Variants in CARD10 observed in about 807,000 individuals in gnomAD.
The protein encoded by CARD10 is caspase recruitment domain family member 10, also known as caspase recruitment domain-containing protein 10.
A neutral mutation model predicts 114.6 loss-of-function variants in CARD10; 49 were observed. The observed-to-expected ratio is 0.43, with a 90% confidence interval of 0.34 to 0.54. The LOEUF (loss-of-function observed/expected upper bound fraction) is 0.54, where lower values mean the gene tolerates loss of function less well. CARD10 is among the 20% of genes least tolerant of loss of function. The pLI, the probability that CARD10 is intolerant of heterozygous loss-of-function variation, is 0.03. For missense variants in CARD10, 1,206 were observed against 1,397.2 expected, an observed-to-expected ratio of 0.86 and a Z score of 2.18; for synonymous variants, 602 against 593.2, an observed-to-expected ratio of 1.01 and a Z score of -0.21.
chr22:37,505,637 C>CA (rs1053786440), intron 7 of CARD10, among the ~76,000 whole-genome samples: 419 of 109,626 alleles, frequency 3.8e-3, no homozygotes, highest in African/African-American at 6.8e-3. Context: ...GATTCTGTCT[C>CA]AAAAAAAAAA....
In CARD10 at chr22:37,491,329, G is replaced by T. The variant is rs774390573; in HGVS notation, c.2929C>A (p.Gln977Lys). 1.9e-6 allele frequency: 3 copies of T among 1,555,572 alleles called. No homozygotes were observed. The highest frequency in any genetic ancestry group is 2.3e-5 in the South Asian group (2 of 85,266). ...GAGCAGGGCAGCCCCCAGAGCACCT[G>T]CTCTGAGCCACGGCACTGCCGCAGC... is the stretch of plus-strand genomic sequence containing the variant. ...ELLRQCRGSEQVLWGLPCSWV... is the reference protein window; with the variant it reads ...ELLRQCRGSEKVLWGLPCSWV... The change falls in exon 20 of 20, where the codon CAG becomes AAG. Residue 977 changes from glutamine (Q) to lysine (K), a missense_variant. This residue lies in a region of CARD10 where 1,068 missense variants were observed against 1,179.1 expected (regional missense o/e 0.91). Transcript: ENST00000251973.
Position 37,496,791 on chromosome 22 carries a change from C to A in CARD10, c.1947+228G>T. The A allele has an allele frequency of 3.1e-6, 2 of 642,488 alleles. No individual in the cohort carries two copies. Among genetic ancestry groups the A allele is most frequent in the Non-Finnish European group, 5.3e-6 (2 of 375,432 alleles). The allele number at this position is 642,488 out of a possible 1,614,324, so 39.8% of individuals were successfully genotyped here. ...CATCCAGGTCTTTCTCGACTTGAAG[C>A]GCAGGAATGTAACGTGCTGTCAGTT... On this transcript the variant is annotated intron_variant, in intron 12 of 19. Coordinates refer to ENST00000251973, the MANE Select transcript of CARD10 (RefSeq NM_014550.4). This position sits in a 1 kb window ranked among gnomAD's most constrained non-coding sequence, Gnocchi z 4.1.
chr22:37,509,160 T>C, intron 4 of CARD10: 1 of 1,457,326 alleles, frequency 6.9e-7, no homozygotes, highest in Non-Finnish European at 9.1e-7. Context: ...CCCAACCCCA[T>C]GAAACACACT....
intron 14 of CARD10, 57 bp from the exon 15 acceptor site, chr22:37,495,643 T>C: frequency 2.5e-6 from 4 of 1,611,404 alleles, no homozygotes; most frequent in Non-Finnish European, 3.4e-6. Context: ...TCATTTCTCC[T>C]CGAACCCCCC....
chr22:37,518,906 G>C (rs1227463711), intron 1 of CARD10, 60 bp downstream of exon 1: 1 of 1,464,200 alleles, frequency 6.8e-7, no homozygotes, highest in Admixed American at 2.2e-5. Flanking sequence ...ACGGCTGTGG[G>C]CGCTGCGCCC....
rs762501467 is a variant in CARD10 at position 37,508,678 on chromosome 22, G to C, written c.914C>G (p.Ala305Gly). The change falls in exon 5 of 20, where the codon GCG becomes GGG. Residue 305 changes from alanine to glycine, a missense_variant. Transcript: ENST00000251973. ...RELQEGLQQE[A>G]SRPGAPGSER... ...GGAGCCCGGGGCCCCCGGCCGGCTC[G>C]CCTCCTGGGGATCACAGGGCAGGGC... 6.4e-7 allele frequency: 1 copy of C among 1,557,548 alleles called. No homozygotes were observed. Among genetic ancestry groups the C allele is most frequent in the Non-Finnish European group, 8.6e-7 (1 of 1,156,214 alleles).
chr22:37,518,477 T>C (rs1923915819), intron 1 of CARD10, among the ~76,000 whole-genome samples: 1 of 152,240 alleles, frequency 6.6e-6, no homozygotes, highest in Admixed American at 6.5e-5. Context: ...CATTCCATCA[T>C]GCCTTTTTGA....
Position 37,495,558 on chromosome 22 carries a change from T to C in CARD10, c.2332A>G (p.Lys778Glu). ...CGGTGCCGGCTGGAGGGCAGGCATT[T>C]CTCCTGAACTTCTAGGAGCTGCTGG... ...RAQQLLEVQE[K>E]CLPSSRHRGP... is the part of the protein sequence containing the mutation. The change falls in exon 15 of 20, where the codon AAA becomes GAA. Residue 778 changes from lysine (K) to glutamate (E), a missense_variant. By Grantham distance (56) the Lys-to-Glu change is moderately conservative. This residue lies in a region of CARD10 where 1,068 missense variants were observed against 1,179.1 expected (regional missense o/e 0.91). Transcript: ENST00000251973. 6.2e-7 allele frequency: 1 copy of C among 1,613,480 alleles called. No homozygotes were observed. The highest frequency in any genetic ancestry group is 1.1e-5 in the South Asian group (1 of 90,850).
chr22:37,512,692 T>C (rs994698959), intron 3 of CARD10, among the ~76,000 whole-genome samples: 1 of 152,060 alleles, frequency 6.6e-6, no homozygotes, highest in African/African-American at 2.4e-5. Flanking sequence ...GGTCACACCC[T>C]CTCAGCAAAC....
Position 37,491,838 on chromosome 22 carries a change from C to T in CARD10, c.2781G>A (p.Arg927=), listed in dbSNP as rs1271030454. ...CGTTCTGCACCAGCTCCCGCACACC[C>T]CGAGCACCCAGCTCCAGCAGGCAGT... ...KKHCLLELGA[R]GVRELVQNEI... Residue 927 remains arginine, a synonymous_variant, in exon 19 of 20, where the codon CGG becomes CGA. Transcript: ENST00000251973. The T allele has an allele frequency of 3.7e-6, 6 of 1,609,214 alleles. No homozygotes were observed. The highest frequency in any genetic ancestry group is 5.1e-6 in the Non-Finnish European group (6 of 1,179,294).
chr22:37,516,133 TGCTGCTGGTCCCGCAGCC>T lies in CARD10; in HGVS notation c.521_538del (p.Arg174_Gln179del), dbSNP rs758163937. 6.3e-7 allele frequency: 1 copy of T among 1,596,254 alleles called. No individual in the cohort carries two copies. The highest frequency in any genetic ancestry group is 1.1e-5 in the South Asian group (1 of 88,762). The stretch of plus-strand genomic sequence containing the variant: ...CAGCCGTTGACAGCGCTCCTGAGCC[TGCTGCTGGTCCCGCAGCC>T]GCTGCTCCAGCCCTGCCCGCTCCTC... On this transcript the variant is annotated inframe_deletion, in exon 3 of 20. Coordinates refer to ENST00000251973, the MANE Select transcript of CARD10 (RefSeq NM_014550.4).
Position 37,496,396 on chromosome 22 carries a change from G to A in CARD10, c.2059+53C>T, listed in dbSNP as rs140404747. 37 of 1,327,768 alleles carry A rather than the reference G, an allele frequency of 2.8e-5. No homozygotes were observed. The highest frequency in any genetic ancestry group is 4.9e-5 in the South Asian group (4 of 82,202). The allele number at this position is 1,327,768 out of a possible 1,614,324, so 82.2% of individuals were successfully genotyped here. Reference sequence around the variant, plus strand: ...GGTCCCTCCCCACCCCATGCACCACGGGTTAGAGGACCCCTCTGGGGCCAA... The same window carrying A: ...GGTCCCTCCCCACCCCATGCACCACAGGTTAGAGGACCCCTCTGGGGCCAA... On this transcript the variant is annotated intron_variant, in intron 13 of 19. Coordinates refer to ENST00000251973, the MANE Select transcript of CARD10 (RefSeq NM_014550.4). The surrounding 1 kb of genome is among the most constrained non-coding windows in gnomAD (Gnocchi z 4.1).
Position 37,496,304 on chromosome 22 carries a change from A to T in CARD10, c.2059+145T>A. The T allele has an allele frequency of 1.6e-6, 1 of 638,090 alleles. No individual in the cohort carries two copies. The highest frequency in any genetic ancestry group is 2.7e-5 in the East Asian group (1 of 36,630). 39.5% of individuals were successfully genotyped at this position (638,090 alleles called of 1,614,324 possible). On this transcript the variant is annotated intron_variant, in intron 13 of 19. Coordinates refer to ENST00000251973, the MANE Select transcript of CARD10 (RefSeq NM_014550.4). The surrounding 1 kb of genome is among the most constrained non-coding windows in gnomAD (Gnocchi z 4.1). ...AAAGGGCACAAGGACAGACAGAAGGAGGCATCAGCAGGCGGGGAGCCAGGA... is the reference window on the plus strand; with the variant it reads ...AAAGGGCACAAGGACAGACAGAAGGTGGCATCAGCAGGCGGGGAGCCAGGA...
In CARD10 at chr22:37,506,228, A is replaced by C. The variant is rs61742320; in HGVS notation, c.1347T>G (p.Val449=). 22,784 of 1,595,330 alleles carry C rather than the reference A, an allele frequency of 0.014. 1,731 individuals are homozygous for C. The African/African-American group carries it at 0.21, about 15-fold the overall frequency. ...SLEGTKALLE[V]QLQRAQGGTC... Reference sequence around the variant, plus strand: ...TGCCACCCTGGGCCCGCTGCAGCTGAACCTCCAGCAGAGCCTTGGTGCCCT... The same window carrying C: ...TGCCACCCTGGGCCCGCTGCAGCTGCACCTCCAGCAGAGCCTTGGTGCCCT... The change falls in exon 7 of 20, where the codon GTT becomes GTG. Residue 449 remains valine, a synonymous_variant. Coordinates refer to ENST00000251973, the MANE Select transcript of CARD10 (RefSeq NM_014550.4).
intron 8 of CARD10, 51 bp downstream of exon 8, chr22:37,504,584 A>C (rs1454807023): frequency 6.9e-7 from 1 of 1,457,078 alleles, no homozygotes; most frequent in Non-Finnish European, 9.1e-7. Flanking sequence ...CACATTAGTA[A>C]TAATGCTATA....
In CARD10 at chr22:37,495,539, C is replaced by T. The variant is rs150625133; in HGVS notation, c.2351G>A (p.Arg784Gln). 4.5e-5 allele frequency: 73 copies of T among 1,612,582 alleles called. No homozygotes were observed. In the African/African-American group the frequency reaches 7.1e-4, roughly 16 times the overall value. ...CACATTACTGCGGGGGCCTCGGTGC[C>T]GGCTGGAGGGCAGGCATTTCTCCTG... Reference protein sequence around the residue: ...EVQEKCLPSSRHRGPRSNLKK... With the variant: ...EVQEKCLPSSQHRGPRSNLKK... Residue 784 changes from arginine to glutamine, a missense_variant, in exon 15 of 20, where the codon CGG (arginine) becomes CAG (glutamine). Coordinates refer to ENST00000251973, the MANE Select transcript of CARD10 (RefSeq NM_014550.4).
At chr22:37,494,628 C>G in intron 15 of CARD10, 1 of 195,630 alleles carries the variant, frequency 5.1e-6, no homozygotes, top group South Asian at 8.8e-5. Context: ...CCTGACAGGT[C>G]TCAAATGCCT....
chr22:37,504,894 C>CTAGA (rs1923351478), intron 7 of CARD10, 125 bp from the exon 8 acceptor site: 2 of 464,288 alleles, frequency 4.3e-6, no homozygotes, highest in Non-Finnish European at 7.5e-6. Flanking sequence ...AGCTCACAGC[C>CTAGA]TAGAATGGGA....
Position 37,490,959 on chromosome 22 carries a change from A to C in CARD10, c.*200T>G, listed in dbSNP as rs1251748433. Reference sequence around the variant, plus strand: ...TGGGGAGGCCCAGAGCAGCAAGTAGAGGGGAGTGGGCACTCTGTCCCGGGA... The same window carrying C: ...TGGGGAGGCCCAGAGCAGCAAGTAGCGGGGAGTGGGCACTCTGTCCCGGGA... On this transcript the variant is annotated 3_prime_UTR_variant, in exon 20 of 20. Transcript: ENST00000251973. 3.4e-6 allele frequency: 2 copies of C among 580,994 alleles called. No homozygotes were observed. Among genetic ancestry groups the C allele is most frequent in the Non-Finnish European group, 6.1e-6 (2 of 325,738 alleles). 36.0% of individuals were successfully genotyped at this position (580,994 alleles called of 1,614,324 possible).
Sources: allele counts gnomAD v4.1 joint callset (sites outside exome capture counted in the v4.1 genomes callset), GRCh38; gene constraint gnomAD v4.1.1; regional missense constraint gnomAD v4.1.1; non-coding constraint Gnocchi (gnomAD v3.1); transcripts MANE v1.5; gene names NCBI Gene and HGNC (gene_info 2026-07-23, HGNC 2026-07-21).